The following PLCB4 variants were observed in gnomAD, a reference collection of about 807,000 sequenced individuals.
The protein encoded by PLCB4 is 1-phosphatidylinositol 4,5-bisphosphate phosphodiesterase beta-4.
PLCB4 carries 77 observed loss-of-function variants against 178.8 expected under a neutral mutation model. The observed-to-expected ratio is 0.43, with a 90% CI of 0.36 to 0.52. The LOEUF is 0.52. PLCB4 is among the 20% of genes least tolerant of loss of function. The pLI, the probability that PLCB4 is intolerant of heterozygous loss-of-function variation, is 0.00. For missense variants in PLCB4, 1,024 were observed against 1,453.4 expected (o/e 0.70, Z 4.80); for synonymous variants, 496 against 490.8 (o/e 1.01, Z -0.14).
intron 28 of PLCB4, among the ~76,000 whole-genome samples, chr20:9,428,434 A>G (rs947207514): frequency 2.6e-5 from 4 of 152,314 alleles, no homozygotes; most frequent in Admixed American, 2.6e-4. Flanking sequence ...AGGCTTATCT[A>G]TTGCATGGCT....
chr20:9,316,636 TA>T (rs775049658), intron 4 of PLCB4, among the ~76,000 whole-genome samples: 3 of 152,108 alleles, frequency 2.0e-5, no homozygotes, highest in Non-Finnish European at 4.4e-5. Flanking sequence ...TTGTTCTCCT[TA>T]GGATTCTACG....
chr20:9,412,807 G>C (rs2039949203), intron 25 of PLCB4, among the ~76,000 whole-genome samples: 1 of 152,146 alleles, frequency 6.6e-6, no homozygotes, highest in Non-Finnish European at 1.5e-5. Context: ...CTTACTCCAT[G>C]GTTCTAAATC....
chr20:9,316,102 G>C (rs925072864), intron 4 of PLCB4, among the ~76,000 whole-genome samples: 5 of 152,134 alleles, frequency 3.3e-5, no homozygotes, highest in African/African-American at 1.2e-4. Flanking sequence ...GGCATGGTAA[G>C]AGGAGAATTC....
chr20:9,201,923 C>T (rs181107223), intron 2 of PLCB4, among the ~76,000 whole-genome samples: 1 of 152,286 alleles, frequency 6.6e-6, no homozygotes, highest in African/African-American at 2.4e-5. Flanking sequence ...AAACCAAAAT[C>T]TGTACACTAG....
At chr20:9,363,985 T>A (rs1238061341) in intron 8 of PLCB4, among the ~76,000 whole-genome samples, 1 of 152,242 alleles carries the variant, frequency 6.6e-6, no homozygotes, top group Non-Finnish European at 1.5e-5. Context: ...ATTCTTACAC[T>A]TGTGCCTCAC....
intron 4 of PLCB4, among the ~76,000 whole-genome samples, chr20:9,328,929 A>T (rs2031176309): frequency 6.6e-6 from 1 of 152,246 alleles, no homozygotes; most frequent in African/African-American, 2.4e-5. Flanking sequence ...AGTGAAATGC[A>T]GAAAGTTTAA....
chr20:9,387,937 G>A (rs986748315), intron 15 of PLCB4, among the ~76,000 whole-genome samples: 14 of 152,298 alleles, frequency 9.2e-5, no homozygotes, highest in Non-Finnish European at 2.1e-4. Flanking sequence ...ATTGTAAATA[G>A]GGCCTACAAG....
intron 2 of PLCB4, among the ~76,000 whole-genome samples, chr20:9,153,290 T>G (rs117000013): frequency 0.038 from 5,761 of 152,196 alleles, 250 homozygotes; most frequent in East Asian, 0.11. Context: ...GGAATGATTT[T>G]GTTTGCCTGT....
intron 4 of PLCB4, among the ~76,000 whole-genome samples, chr20:9,308,535 G>A: frequency 6.6e-6 from 1 of 152,118 alleles, no homozygotes; most frequent in Non-Finnish European, 1.5e-5. Context: ...AGGTGACTTG[G>A]GAAGGAGTGT....
chr20:9,469,512 C>T (rs1355451420), intron 36 of PLCB4, among the ~76,000 whole-genome samples: 2 of 152,176 alleles, frequency 1.3e-5, no homozygotes, highest in African/African-American at 4.8e-5. Context: ...CAGATCAAGG[C>T]AGGAATTGAT....
In PLCB4 at chr20:9,237,996, C is replaced by A. The variant is rs183960314; in HGVS notation, c.-16+20544C>A. Among the ~76,000 whole-genome samples, 30 of 152,174 alleles carry A rather than the reference C, an allele frequency of 2.0e-4. No individual in the cohort carries two copies. In the East Asian group the frequency reaches 5.6e-3, roughly 29 times the overall value. ...GTAGCATGATGAAAGCAGTGCTCTG[C>A]GAATAATCACGTAGAGGCATGCAGG... On this transcript the variant is annotated intron_variant, in intron 3 of 39. Transcript: ENST00000378473.
At chr20:9,082,651 A>G (rs1472137027) in intron 1 of PLCB4, among the ~76,000 whole-genome samples, 1 of 152,324 alleles carries the variant, frequency 6.6e-6, no homozygotes, top group Admixed American at 6.5e-5. Context: ...ACACTTCATG[A>G]TAGCACTTGG....
chr20:9,316,302 A>G (rs977962137), intron 4 of PLCB4, among the ~76,000 whole-genome samples: 11 of 152,174 alleles, frequency 7.2e-5, no homozygotes, highest in African/African-American at 2.4e-4. Flanking sequence ...CCTTCAAGGA[A>G]GTCCGGTGCA....
chr20:9,100,246 A>G (rs560205145), intron 2 of PLCB4, among the ~76,000 whole-genome samples: 17 of 152,344 alleles, frequency 1.1e-4, no homozygotes, highest in African/African-American at 4.1e-4. Context: ...AGAGTTAGTT[A>G]CTGGGAACAA....
chr20:9,460,832 A>G (rs2043342682), intron 35 of PLCB4, among the ~76,000 whole-genome samples: 1 of 152,238 alleles, frequency 6.6e-6, no homozygotes, highest in Non-Finnish European at 1.5e-5. Context: ...CCACAAGAAC[A>G]AAGTGTTTTT....
Position 9,380,099 on chromosome 20 carries a change from G to T in PLCB4, c.790G>T (p.Asp264Tyr). Reference sequence around the variant, plus strand: ...GAATGAAATTTTATTTCCATTTTATGATGCCAAAAGGGCAATGCAGATCAT... The same window carrying T: ...GAATGAAATTTTATTTCCATTTTATTATGCCAAAAGGGCAATGCAGATCAT... ...RLNEILFPFY[D>Y]AKRAMQIIEM... Residue 264 changes from aspartate to tyrosine, a missense_variant, in exon 13 of 40, where the codon GAT becomes TAT. Coordinates refer to ENST00000378473, the MANE Select transcript of PLCB4 (RefSeq NM_001377142.1). The T allele has an allele frequency of 6.3e-7, 1 of 1,597,220 alleles. No homozygotes were observed. The highest frequency in any genetic ancestry group is 8.5e-7 in the Non-Finnish European group (1 of 1,169,884).
At chr20:9,201,733 A>T (rs950033369) in intron 2 of PLCB4, among the ~76,000 whole-genome samples, 5 of 152,164 alleles carry the variant, frequency 3.3e-5, no homozygotes, top group African/African-American at 1.2e-4. Context: ...AAAAAACTAG[A>T]TGGTACCAAG....
chr20:9,303,588 T>C (rs993027146), intron 3 of PLCB4, among the ~76,000 whole-genome samples: 1 of 152,222 alleles, frequency 6.6e-6, no homozygotes. Flanking sequence ...ATTCATTTGT[T>C]GTGGGATACT....
chr20:9,292,135 G>A lies in PLCB4; in HGVS notation c.-15-15665G>A, dbSNP rs962954062. Among the ~76,000 whole-genome samples the A allele has an allele frequency of 8.5e-5, 13 of 152,260 alleles. No individual in the cohort carries two copies. The East Asian group carries it at 2.1e-3, about 25-fold the overall frequency. On this transcript the variant is annotated intron_variant, in intron 3 of 39. Coordinates refer to ENST00000378473, the MANE Select transcript of PLCB4 (RefSeq NM_001377142.1). ...AAAGCACTTTGCCCATTTTTGTGAA[G>A]TCTCATTTTACAATCCTCAGGCTTA...
Sources: allele counts gnomAD v4.1 joint callset (sites outside exome capture counted in the v4.1 genomes callset), GRCh38; gene constraint gnomAD v4.1.1; transcripts MANE v1.5; gene names NCBI Gene and HGNC (gene_info 2026-07-23, HGNC 2026-07-21).